GRID2: variants seen among roughly 807,000 people sequenced by gnomAD.
GRID2 encodes glutamate ionotropic receptor delta type subunit 2.
Under a neutral mutation model 114.8 loss-of-function variants are expected in GRID2, and 33 were observed. The ratio of observed to expected loss-of-function variants is 0.29; its 90% CI spans 0.22 to 0.38. The LOEUF (loss-of-function observed/expected upper bound fraction) is 0.38, where lower values mean the gene tolerates loss of function less well. Ranked by LOEUF, GRID2 falls within the 10% of genes least tolerant of loss-of-function variation. GRID2 has a pLI of 1.00. For missense variants in GRID2, 1,184 were observed against 1,257.7 expected, an observed-to-expected ratio of 0.94 and a Z score of 0.89; for synonymous variants, 505 against 449.9, an observed-to-expected ratio of 1.12 and a Z score of -1.55.
intron 14 of GRID2, among the ~76,000 whole-genome samples, chr4:93,706,375 A>G (rs1332233898): frequency 2.6e-5 from 4 of 151,570 alleles, no homozygotes; most frequent in Non-Finnish European, 5.9e-5. Flanking sequence ...ACTATTTTTT[A>G]TGTCCTCTTC....
intron 12 of GRID2, 120 bp downstream of exon 12, chr4:93,490,897 G>C (rs1417287026): frequency 1.5e-6 from 1 of 655,338 alleles, no homozygotes; most frequent in Non-Finnish European, 2.6e-6. Context: ...TTGAGTAAAG[G>C]ATCAATTTTG....
intron 1 of GRID2, among the ~76,000 whole-genome samples, chr4:92,494,295 G>C (rs1224581334): frequency 6.6e-6 from 1 of 151,798 alleles, no homozygotes; most frequent in Non-Finnish European, 1.5e-5. Context: ...TAAATTCCTA[G>C]ATAGGAAATT....
chr4:92,958,236 A>G (rs1752559441), intron 2 of GRID2, among the ~76,000 whole-genome samples: 1 of 152,050 alleles, frequency 6.6e-6, no homozygotes, highest in Admixed American at 6.6e-5. Context: ...TTAGTTAGAA[A>G]GCTTCCAGTT....
intron 2 of GRID2, among the ~76,000 whole-genome samples, chr4:92,973,423 T>C (rs543361141): frequency 6.6e-6 from 1 of 152,332 alleles, no homozygotes; most frequent in African/African-American, 2.4e-5. Flanking sequence ...ATAAACATAG[T>C]ATGCTCTTTG....
chr4:92,561,076 A>T (rs935305596), intron 1 of GRID2, among the ~76,000 whole-genome samples: 1 of 152,112 alleles, frequency 6.6e-6, no homozygotes, highest in Non-Finnish European at 1.5e-5. Flanking sequence ...AATATTTCCT[A>T]TACCTTGTGA....
chr4:93,086,560 C>G (rs1334208555), intron 3 of GRID2, among the ~76,000 whole-genome samples: 1 of 152,106 alleles, frequency 6.6e-6, no homozygotes, highest in Non-Finnish European at 1.5e-5. Context: ...TCTTATTAAA[C>G]TTGGTGGGTA....
At chr4:93,544,848 TTAAG>T (rs934374823) in intron 13 of GRID2, among the ~76,000 whole-genome samples, 2 of 151,966 alleles carry the variant, frequency 1.3e-5, no homozygotes, top group Admixed American at 6.6e-5. Context: ...CTCAGAGATG[TTAAG>T]TAAGTGGCAT....
chr4:93,499,682 T>C (rs17020688), intron 12 of GRID2, among the ~76,000 whole-genome samples: 10,533 of 152,008 alleles, frequency 0.069, 728 homozygotes, highest in African/African-American at 0.18. Context: ...GCAAAGACTA[T>C]GTTATATCCA....
chr4:93,394,235 T>C (rs993154175), intron 8 of GRID2, among the ~76,000 whole-genome samples: 2 of 151,976 alleles, frequency 1.3e-5, no homozygotes, highest in African/African-American at 4.8e-5. Context: ...GATTTGCTAA[T>C]TGGATCTAAG....
At chr4:93,375,369 C>T (rs188071120) in intron 8 of GRID2, among the ~76,000 whole-genome samples, 273 of 151,988 alleles carry the variant, frequency 1.8e-3, no homozygotes, top group Non-Finnish European at 3.2e-3. Context: ...CTCACCACCA[C>T]GCCCGGCTAA....
chr4:93,364,698 T>C (rs1279684553), intron 8 of GRID2, among the ~76,000 whole-genome samples: 1 of 152,068 alleles, frequency 6.6e-6, no homozygotes, highest in Non-Finnish European at 1.5e-5. Flanking sequence ...AAACTAGTCT[T>C]GAATTTGGGG....
chr4:92,521,473 G>A (rs1009073409), intron 1 of GRID2, among the ~76,000 whole-genome samples: 3 of 152,008 alleles, frequency 2.0e-5, no homozygotes, highest in African/African-American at 7.2e-5. Context: ...ACTATTTACT[G>A]AGCATTACTA....
At chr4:92,998,411 T>A (rs528301752) in intron 2 of GRID2, among the ~76,000 whole-genome samples, 1 of 152,148 alleles carries the variant, frequency 6.6e-6, no homozygotes, top group South Asian at 2.1e-4. Context: ...ATTTTCAAAT[T>A]AAAGTATGAG....
intron 1 of GRID2, among the ~76,000 whole-genome samples, chr4:92,465,515 A>G (rs1293356320): frequency 6.6e-6 from 1 of 152,114 alleles, no homozygotes; most frequent in African/African-American, 2.4e-5. Flanking sequence ...ACAATTATAT[A>G]CCAGTAGCAA....
At chr4:93,200,780 A>G (rs1742020542) in intron 4 of GRID2, among the ~76,000 whole-genome samples, 1 of 152,222 alleles carries the variant, frequency 6.6e-6, no homozygotes. Flanking sequence ...GGCTAAATTA[A>G]CATTGATTAT....
intron 2 of GRID2, among the ~76,000 whole-genome samples, chr4:92,619,561 T>G (rs1305240309): frequency 6.6e-6 from 1 of 151,648 alleles, no homozygotes; most frequent in Non-Finnish European, 1.5e-5. Context: ...TTTTTGGCAA[T>G]TCCCTGAGTA....
At chr4:92,878,963 C>T (rs1330845283) in intron 2 of GRID2, among the ~76,000 whole-genome samples, 1 of 152,118 alleles carries the variant, frequency 6.6e-6, no homozygotes, top group Admixed American at 6.6e-5. Flanking sequence ...TTTTGCTGCT[C>T]ACCAAGCTTT....
chr4:93,793,533 A>G (rs185794104), intron 1 of GRID2, among the ~76,000 whole-genome samples: 30 of 152,280 alleles, frequency 2.0e-4, no homozygotes, highest in African/African-American at 5.5e-4. Context: ...ACTTGGTTCT[A>G]TGGGAATTTC....
At chr4:93,375,140 G>C (rs537580030) in intron 8 of GRID2, among the ~76,000 whole-genome samples, 1 of 151,586 alleles carries the variant, frequency 6.6e-6, no homozygotes, top group African/African-American at 2.4e-5. Context: ...CCTCTACCCA[G>C]ACTGCAGCCA....
Sources: allele counts gnomAD v4.1 joint callset (sites outside exome capture counted in the v4.1 genomes callset), GRCh38; gene constraint gnomAD v4.1.1; transcripts MANE v1.5; gene names NCBI Gene and HGNC (gene_info 2026-07-23, HGNC 2026-07-21).